The following UGP2 variants were observed in gnomAD, a reference collection of about 807,000 sequenced individuals.
The protein encoded by UGP2 is UTP--glucose-1-phosphate uridylyltransferase.
A neutral mutation model predicts 49.0 loss-of-function variants in UGP2; 40 were observed. The observed-to-expected ratio is 0.82, with a 90% CI of 0.63 to 1.06. UGP2 has a LOEUF of 1.06. UGP2 is among the 50% of genes least tolerant of loss of function. The pLI, the probability that UGP2 is intolerant of heterozygous loss-of-function variation, is 0.00. For synonymous variants in UGP2, 225 were observed against 213.0 expected, an observed-to-expected ratio of 1.06 and a Z score of -0.49; for missense variants, 460 against 603.5, an observed-to-expected ratio of 0.76 and a Z score of 2.49.
At position 63,883,982 on chromosome 2, in the gene UGP2, C is replaced by T; in HGVS notation, c.464C>T (p.Thr155Ile). 6.2e-7 allele frequency: 1 copy of T among 1,612,084 alleles called. No homozygotes were observed. Among genetic ancestry groups the T allele is most frequent in the Non-Finnish European group, 8.5e-7 (1 of 1,179,494 alleles). ...QIEHLNKTYNTDVPLVLMNSF... is the reference protein window; with the variant it reads ...QIEHLNKTYNIDVPLVLMNSF... ...TAGCATTTGAATAAAACCTACAATA[C>T]AGATGTTCCTCTTGTTTTAATGAAC... The change falls in exon 5 of 10, where the codon ACA (threonine) becomes ATA (isoleucine). Residue 155 changes from threonine to isoleucine, a missense_variant. Physicochemically the swap from Thr to Ile is moderately conservative, Grantham distance 89. Around this residue, in one of 2 missense-constraint regions of UGP2, gnomAD observed 317 missense variants for 473.0 expected, o/e 0.67. Transcript: ENST00000337130.
Position 63,841,934 on chromosome 2 carries a change from A to T in UGP2, c.-252A>T, listed in dbSNP as rs1307689695. 1 of 442,102 alleles carries T rather than the reference A, an allele frequency of 2.3e-6. No homozygotes were observed. The highest frequency in any genetic ancestry group is 3.4e-5 in the East Asian group (1 of 29,148). The allele number at this position is 442,102 out of a possible 1,614,324, so 27.4% of individuals were successfully genotyped here. A position where few individuals can be genotyped will look rare whatever the true frequency, so the allele number is the denominator to read the frequency against. ...TGGCCCTCATTTGTGTCCGGAGCTCAGGAGTTCCCAAACCGACTCAGTCGC... is the reference window on the plus strand; with the variant it reads ...TGGCCCTCATTTGTGTCCGGAGCTCTGGAGTTCCCAAACCGACTCAGTCGC... On this transcript the variant is annotated 5_prime_UTR_variant, in exon 1 of 10. Coordinates refer to ENST00000337130, the MANE Select transcript of UGP2 (RefSeq NM_006759.4).
At chr2:63,876,047 A>G (rs555235719) in intron 3 of UGP2, among the ~76,000 whole-genome samples, 15 of 152,160 alleles carry the variant, frequency 9.9e-5, no homozygotes, top group Middle Eastern at 6.8e-3. Flanking sequence ...AAGTAGGGAA[A>G]GTGGAAGGCA....
chr2:63,856,935 C>A, intron 2 of UGP2: 1 of 405,666 alleles, frequency 2.5e-6, no homozygotes, highest in South Asian at 1.8e-5. Context: ...TTGAAGCTAG[C>A]TGTGTTTTAT....
chr2:63,874,986 C>T (rs1365063261), intron 3 of UGP2, among the ~76,000 whole-genome samples: 1 of 152,158 alleles, frequency 6.6e-6, no homozygotes, highest in Admixed American at 6.5e-5. Flanking sequence ...TGCCCAGCCT[C>T]AGGGATTCCT....
intron 4 of UGP2, 105 bp from the exon 5 acceptor site, chr2:63,883,855 A>G: frequency 7.1e-7 from 1 of 1,407,234 alleles, no homozygotes; most frequent in Middle Eastern, 2.0e-4. Flanking sequence ...CTACGTACAG[A>G]TGATGTTTTA....
intron 7 of UGP2, 136 bp from the exon 8 acceptor site, chr2:63,887,264 CAA>C (rs371097150): frequency 1.3e-3 from 1,087 of 853,982 alleles, no homozygotes; most frequent in South Asian, 1.4e-3. Context: ...GACTCCTTCT[CAA>C]AAAAAAAAAA....
intron 5 of UGP2, among the ~76,000 whole-genome samples, chr2:63,884,980 T>G (rs529603473): frequency 1.3e-4 from 19 of 147,090 alleles, no homozygotes; most frequent in African/African-American, 4.7e-4. Context: ...TTAAGATCTA[T>G]TTCCCATGGT....
chr2:63,843,109 TTTGGAAAAAAAAAG>T (rs1318579331), intron 1 of UGP2, among the ~76,000 whole-genome samples: 1 of 152,160 alleles, frequency 6.6e-6, no homozygotes, highest in African/African-American at 2.4e-5. Context: ...TAGGTGTACT[TTTGGAAAAAAAAAG>T]TTGTGTCAGT....
chr2:63,886,858 T>C (rs957539380), intron 7 of UGP2, among the ~76,000 whole-genome samples: 4 of 152,232 alleles, frequency 2.6e-5, no homozygotes, highest in African/African-American at 7.2e-5. Flanking sequence ...GCATGAGTTT[T>C]CTGAACCTAT....
At position 63,890,181 on chromosome 2, in the gene UGP2, T is replaced by G; in HGVS notation, c.1415T>G (p.Leu472Ter). ...GDVTFGKNVS[L>*]KGTVIIIANH... ...GTGACATTTGGAAAAAATGTTTCAT[T>G]AAAGGTATGTTGTTACAATGAAAAT... Residue 472 changes from leucine (L) to a stop codon, truncating the protein, a stop_gained, in exon 9 of 10, where the codon TTA (leucine) becomes TGA (stop). Transcript: ENST00000337130. LOFTEE classifies it high-confidence loss of function. 1 of 1,603,372 alleles carries G rather than the reference T, an allele frequency of 6.2e-7. No individual in the cohort carries two copies. The highest frequency in any genetic ancestry group is 8.5e-7 in the Non-Finnish European group (1 of 1,173,108).
intron 3 of UGP2, among the ~76,000 whole-genome samples, chr2:63,866,483 C>T (rs1670195159): frequency 6.6e-6 from 1 of 151,972 alleles, no homozygotes; most frequent in Non-Finnish European, 1.5e-5. Context: ...TTGGTGAAGT[C>T]CTAATCAAGT....
chr2:63,890,668 A>C (rs1288790173), intron 9 of UGP2, among the ~76,000 whole-genome samples: 1 of 152,230 alleles, frequency 6.6e-6, no homozygotes, highest in Non-Finnish European at 1.5e-5. Flanking sequence ...GAAAAAACAA[A>C]TACATATATT....
intron 1 of UGP2, among the ~76,000 whole-genome samples, chr2:63,845,665 C>G (rs1231293462): frequency 6.6e-6 from 1 of 152,038 alleles, no homozygotes; most frequent in East Asian, 1.9e-4. Context: ...TTTTTGAGCT[C>G]TTACTATGTA....
chr2:63,859,606 C>A (rs748195700), intron 3 of UGP2, among the ~76,000 whole-genome samples: 1 of 152,038 alleles, frequency 6.6e-6, no homozygotes, highest in Non-Finnish European at 1.5e-5. Context: ...CTGATAAATT[C>A]TTTCAGGAGG....
intron 9 of UGP2, among the ~76,000 whole-genome samples, chr2:63,890,520 G>A (rs1425773749): frequency 6.6e-6 from 1 of 152,088 alleles, no homozygotes; most frequent in Non-Finnish European, 1.5e-5. Flanking sequence ...AGAAATAGGA[G>A]GGAAACGGGG....
At position 63,885,785 on chromosome 2, in the gene UGP2, A is replaced by G. The variant is rs1671630253; in HGVS notation, c.772A>G (p.Thr258Ala). 2 of 1,613,816 alleles carry G rather than the reference A, an allele frequency of 1.2e-6. No individual in the cohort carries two copies. Among genetic ancestry groups the G allele is most frequent in the Non-Finnish European group, 1.7e-6 (2 of 1,179,962 alleles). ...FVSNIDNLGA[T>A]VDLYILNHLM... Reference sequence around the variant, plus strand: ...GTCTAACATAGATAATCTGGGTGCCACAGTGGATCTGTATATTCTTAATCA... The same window carrying G: ...GTCTAACATAGATAATCTGGGTGCCGCAGTGGATCTGTATATTCTTAATCA... The change falls in exon 6 of 10, where the codon ACA becomes GCA. Residue 258 changes from threonine (T) to alanine (A), a missense_variant. By Grantham distance (58) the Thr-to-Ala change is moderately conservative. This residue lies in a region of UGP2 where 317 missense variants were observed against 473.0 expected (regional missense o/e 0.67). Coordinates refer to ENST00000337130, the MANE Select transcript of UGP2 (RefSeq NM_006759.4).
In UGP2 at chr2:63,891,320, T is replaced by G; in HGVS notation, c.*93T>G. Reference sequence around the variant, plus strand: ...TAAAATAGGCAGGTACTTTACTATGTTACTGTACCCTGCAGTGTTGATTTT... The same window carrying G: ...TAAAATAGGCAGGTACTTTACTATGGTACTGTACCCTGCAGTGTTGATTTT... On this transcript the variant is annotated 3_prime_UTR_variant, in exon 10 of 10. Coordinates refer to ENST00000337130, the MANE Select transcript of UGP2 (RefSeq NM_006759.4). The G allele has an allele frequency of 2.9e-6, 3 of 1,052,066 alleles. No individual in the cohort carries two copies. The highest frequency in any genetic ancestry group is 4.2e-6 in the Non-Finnish European group (3 of 706,966). 65.2% of individuals were successfully genotyped at this position (1,052,066 alleles called of 1,614,324 possible).
intron 1 of UGP2, among the ~76,000 whole-genome samples, chr2:63,845,454 G>A (rs1575796633): frequency 6.6e-6 from 1 of 151,702 alleles, no homozygotes; most frequent in Non-Finnish European, 1.5e-5. Context: ...AAGAAAAAAG[G>A]CAGGTATGAA....
intron 3 of UGP2, among the ~76,000 whole-genome samples, chr2:63,873,627 TGA>T (rs1456161795): frequency 3.3e-5 from 5 of 152,094 alleles, no homozygotes; most frequent in Middle Eastern, 3.4e-3. Flanking sequence ...TGAAGTTGTA[TGA>T]GAGGAAAAAG....
Sources: allele counts gnomAD v4.1 joint callset (sites outside exome capture counted in the v4.1 genomes callset), GRCh38; gene constraint gnomAD v4.1.1; regional missense constraint gnomAD v4.1.1; transcripts MANE v1.5; gene names NCBI Gene and HGNC (gene_info 2026-07-23, HGNC 2026-07-21).